RAPGEF3: variants seen among roughly 807,000 people sequenced by gnomAD.
The protein encoded by RAPGEF3 is Rap guanine nucleotide exchange factor 3.
RAPGEF3 carries 103 observed loss-of-function variants against 129.8 expected under a neutral mutation model. The ratio of observed to expected loss-of-function variants is 0.79; its 90% confidence interval spans 0.68 to 0.93. RAPGEF3 has a LOEUF of 0.93. Among genes scored for constraint, RAPGEF3 ranks in the 40% least tolerant of loss-of-function variants. The pLI, the probability that RAPGEF3 is intolerant of heterozygous loss-of-function variation, is 0.00. For missense variants in RAPGEF3, 1,117 were observed against 1,207.4 expected, an observed-to-expected ratio of 0.93 and a Z score of 1.11; for synonymous variants, 436 against 482.6, an observed-to-expected ratio of 0.90 and a Z score of 1.26.
rs1482877141 is a variant in RAPGEF3 at position 47,740,122 on chromosome 12, G to T, written c.2373+19C>A. ...AGCTGATCCTAGCAGAGCCAGGCCG[G>T]GCAGGGTGGAGCACTCACCAGCAGC... On this transcript the variant is annotated intron_variant, in intron 23 of 27. Transcript: ENST00000449771. 4 of 1,610,396 alleles carry T rather than the reference G, an allele frequency of 2.5e-6. No individual in the cohort carries two copies. In the South Asian group the frequency reaches 4.4e-5, roughly 18 times the overall value.
intron 2 of RAPGEF3, among the ~76,000 whole-genome samples, chr12:47,755,209 T>G (rs1211780864): frequency 6.6e-6 from 1 of 152,210 alleles, no homozygotes; most frequent in Non-Finnish European, 1.5e-5. Context: ...ACTTAGCAGC[T>G]GCGTAACTCT....
chr12:47,753,868 C>T (rs933670131), intron 2 of RAPGEF3: 1 of 152,244 alleles, frequency 6.6e-6, no homozygotes, highest in Non-Finnish European at 1.5e-5. Context: ...TGCTGGGTCA[C>T]GTGGCCAGGT....
chr12:47,741,052 A>G lies in RAPGEF3; in HGVS notation c.1924-12T>C. ...TCAGGGTGTGGGATCTGCGGGTGGG[A>G]GAGTGCTCAGGGGGCTGCCTGAGGA... On this transcript the variant is annotated splice_polypyrimidine_tract_variant and intron_variant, in intron 19 of 27. Coordinates refer to ENST00000449771, the MANE Select transcript of RAPGEF3 (RefSeq NM_001098531.4). 1 of 1,611,614 alleles carries G rather than the reference A, an allele frequency of 6.2e-7. No individual in the cohort carries two copies. The highest frequency in any genetic ancestry group is 1.1e-5 in the South Asian group (1 of 90,718).
intron 18 of RAPGEF3, 38 bp from the exon 19 acceptor site, chr12:47,741,640 G>T: frequency 2.7e-6 from 4 of 1,484,926 alleles, no homozygotes; most frequent in Non-Finnish European, 3.8e-6. Context: ...TGGGGGAAGG[G>T]AGGGAGGCCG....
chr12:47,746,847 G>A lies in RAPGEF3; in HGVS notation c.1596+13C>T. 1 of 1,588,814 alleles carries A rather than the reference G, an allele frequency of 6.3e-7. No homozygotes were observed. Among genetic ancestry groups the A allele is most frequent in the East Asian group, 2.2e-5 (1 of 44,458 alleles). On this transcript the variant is annotated intron_variant, in intron 16 of 27. Coordinates refer to ENST00000449771, the MANE Select transcript of RAPGEF3 (RefSeq NM_001098531.4). ...GGAGGAGCAGAGGAAAGAAACTGGGGCCAGGCAGACACCTTCATCTGAGGA... is the reference window on the plus strand; with the variant it reads ...GGAGGAGCAGAGGAAAGAAACTGGGACCAGGCAGACACCTTCATCTGAGGA...
intron 2 of RAPGEF3, among the ~76,000 whole-genome samples, chr12:47,755,489 T>G (rs532738685): frequency 2.4e-4 from 36 of 152,348 alleles, no homozygotes; most frequent in African/African-American, 8.7e-4. Flanking sequence ...CAGACTTCCC[T>G]GAGCTAGTAG....
At chr12:47,756,721 A>C (rs1942076081) in intron 2 of RAPGEF3, among the ~76,000 whole-genome samples, 1 of 152,166 alleles carries the variant, frequency 6.6e-6, no homozygotes, top group South Asian at 2.1e-4. Context: ...TTGTAATCCC[A>C]GTGCTTTGGG....
chr12:47,749,609 C>G lies in RAPGEF3; in HGVS notation c.895-73G>C. On this transcript the variant is annotated intron_variant, in intron 9 of 27. Transcript: ENST00000449771. The surrounding 1 kb of genome is among the most constrained non-coding windows in gnomAD (Gnocchi z 4.5). ...CCCAGCTCTTGCCAGGACAGACCCA[C>G]GGCAGGAGAACAACCCACACAGGAG... The G allele has an allele frequency of 6.4e-7, 1 of 1,558,476 alleles. No individual in the cohort carries two copies. Among genetic ancestry groups the G allele is most frequent in the South Asian group, 1.2e-5 (1 of 86,264 alleles).
Position 47,748,887 on chromosome 12 carries a change from C to T in RAPGEF3, c.1086G>A (p.Val362=). ...GAGAGGCTCTCTCCAGCACCAGCAC[C>T]ACTTTGCCATGTTCTTCCAGCCGCA... ...KTMRLEEHGK[V]VLVLERASQG... Residue 362 remains valine, a synonymous_variant, in exon 11 of 28, where the codon GTG becomes GTA. Transcript: ENST00000449771. The T allele has an allele frequency of 6.2e-7, 1 of 1,614,084 alleles. No homozygotes were observed. Among genetic ancestry groups the T allele is most frequent in the Non-Finnish European group, 8.5e-7 (1 of 1,179,978 alleles).
rs1045397422 is a variant in RAPGEF3 at position 47,749,389 on chromosome 12, C to T, written c.1041+1G>A. ...GCCCTCCCCAACCCCAGCAGCAGCA[C>T]CTTGATGATACGGTTGAAGTCCTGC... On this transcript the variant is annotated splice_donor_variant, in intron 10 of 27. Transcript: ENST00000449771. LOFTEE classifies it high-confidence loss of function. The surrounding 1 kb of genome is among the most constrained non-coding windows in gnomAD (Gnocchi z 4.5). The T allele has an allele frequency of 4.5e-5, 73 of 1,611,916 alleles. No homozygotes were observed. The highest frequency in any genetic ancestry group is 5.9e-5 in the Non-Finnish European group (70 of 1,180,006).
chr12:47,741,801 G>T, intron 18 of RAPGEF3, 199 bp from the exon 19 acceptor site: 1 of 592,040 alleles, frequency 1.7e-6, no homozygotes, highest in East Asian at 2.8e-5. Flanking sequence ...CATCCAAGAG[G>T]ATGAGGAAAG....
rs777820634 is a variant in RAPGEF3 at position 47,751,185 on chromosome 12, A to T, written c.534T>A (p.Asp178Glu). The change falls in exon 6 of 28, where the codon GAT (aspartate) becomes GAA (glutamate). Residue 178 changes from aspartate (D) to glutamate (E), a missense_variant. Asp to Glu is a conservative substitution (Grantham distance 45). Transcript: ENST00000449771. ...GCCCGGGGAACCGGTAGAATTGGGC[A>T]TCTCGGTCCTGGAAGGCCCAGTCGT... Reference protein sequence around the residue: ...VKHDWAFQDRDAQFYRFPGPE... With the variant: ...VKHDWAFQDREAQFYRFPGPE... 1.9e-6 allele frequency: 3 copies of T among 1,553,248 alleles called. No homozygotes were observed. The highest frequency in any genetic ancestry group is 2.6e-6 in the Non-Finnish European group (3 of 1,148,176).
chr12:47,758,025 G>T lies in RAPGEF3; in HGVS notation c.60C>A (p.Ser20Arg), dbSNP rs528361073. ...CCACCCGCGGTGCTCCCAGAGCTGG[G>T]CTATCCTCCACAGCCAGGCCCACCT... ...CWQVGLAVED[S>R]PALGAPRVGA... The change falls in exon 2 of 28, where the codon AGC becomes AGA. Residue 20 changes from serine (S) to arginine (R), a missense_variant. By Grantham distance (110) the Ser-to-Arg change is moderately radical. Coordinates refer to ENST00000449771, the MANE Select transcript of RAPGEF3 (RefSeq NM_001098531.4). 1.3e-6 allele frequency: 2 copies of T among 1,576,640 alleles called. No homozygotes were observed. Among genetic ancestry groups the T allele is most frequent in the Non-Finnish European group, 1.7e-6 (2 of 1,161,184 alleles).
Position 47,749,400 on chromosome 12 carries a change from C to T in RAPGEF3, c.1031G>A (p.Arg344His), listed in dbSNP as rs757761329. Residue 344 changes from arginine to histidine, a missense_variant, in exon 10 of 28, where the codon CGT becomes CAT. Physicochemically the swap from Arg to His is conservative, Grantham distance 29 (BLOSUM62 0). Transcript: ENST00000449771. This position sits in a 1 kb window ranked among gnomAD's most constrained non-coding sequence, Gnocchi z 4.5. ...FLRVDKQDFN[R>H]IIKDVEAKTM... ...CCCCAGCAGCAGCACCTTGATGATA[C>T]GGTTGAAGTCCTGCTTGTCCACACG... 6.8e-6 allele frequency: 11 copies of T among 1,612,454 alleles called. No homozygotes were observed. Among genetic ancestry groups the T allele is most frequent in the South Asian group, 2.2e-5 (2 of 91,080 alleles).
At chr12:47,747,406 G>A (rs1187033886) in intron 15 of RAPGEF3, 138 bp downstream of exon 15, 1 of 778,596 alleles carries the variant, frequency 1.3e-6, no homozygotes. Context: ...ACAGCAAGGG[G>A]ACTGATAAGA....
chr12:47,741,047 G>C lies in RAPGEF3; in HGVS notation c.1924-7C>G. 1 of 1,612,002 alleles carries C rather than the reference G, an allele frequency of 6.2e-7. No individual in the cohort carries two copies. The highest frequency in any genetic ancestry group is 1.1e-5 in the South Asian group (1 of 90,742). On this transcript the variant is annotated splice_polypyrimidine_tract_variant and splice_region_variant and intron_variant, in intron 19 of 27. Transcript: ENST00000449771. The stretch of plus-strand genomic sequence containing the variant: ...GCTGGTCAGGGTGTGGGATCTGCGG[G>C]TGGGAGAGTGCTCAGGGGGCTGCCT...
chr12:47,749,904 G>T lies in RAPGEF3; in HGVS notation c.817+26C>A, dbSNP rs1941645591. The stretch of plus-strand genomic sequence containing the variant: ...CTGCCCATGTCCAGGCCCTGTGCCT[G>T]GCTTCTTATGCCCTGCTGGACTTAC... On this transcript the variant is annotated intron_variant, in intron 8 of 27. Transcript: ENST00000449771. This position sits in a 1 kb window ranked among gnomAD's most constrained non-coding sequence, Gnocchi z 4.5. 3 of 1,614,066 alleles carry T rather than the reference G, an allele frequency of 1.9e-6. No homozygotes were observed. Among genetic ancestry groups the T allele is most frequent in the Non-Finnish European group, 8.5e-7 (1 of 1,180,012 alleles).
chr12:47,751,220 G>C lies in RAPGEF3; in HGVS notation c.503-4C>G, dbSNP rs1941722878. The C allele has an allele frequency of 1.3e-6, 2 of 1,549,102 alleles. No individual in the cohort carries two copies. The highest frequency in any genetic ancestry group is 1.7e-4 in the Middle Eastern group (1 of 5,982). ...TGGAAGGCCCAGTCGTGTTTCACTG[G>C]GGGGCAGAGGCCCAGGCGTGGGGGA... On this transcript the variant is annotated splice_polypyrimidine_tract_variant and splice_region_variant and intron_variant, in intron 5 of 27. Coordinates refer to ENST00000449771, the MANE Select transcript of RAPGEF3 (RefSeq NM_001098531.4).
chr12:47,751,057 A>G lies in RAPGEF3; in HGVS notation c.662T>C (p.Leu221Pro). Residue 221 changes from leucine (L) to proline (P), a missense_variant, in exon 6 of 28, where the codon CTT (leucine) becomes CCT (proline). Around this residue, in one of 3 missense-constraint regions of RAPGEF3, gnomAD observed 367 missense variants for 373.4 expected, o/e 0.98. Transcript: ENST00000449771. ...AGGGATTCTGACTCACGGCTTTCGA[A>G]GTGCCACAGTGAGCAGGGCGTCAGG... is the stretch of plus-strand genomic sequence containing the variant. ...RGPDALLTVA[L>P]RKPPGQRTDE... is the part of the protein sequence containing the mutation. 1 of 1,597,458 alleles carries G rather than the reference A, an allele frequency of 6.3e-7. No homozygotes were observed. The highest frequency in any genetic ancestry group is 1.1e-5 in the South Asian group (1 of 87,606).
Sources: allele counts gnomAD v4.1 joint callset (sites outside exome capture counted in the v4.1 genomes callset), GRCh38; gene constraint gnomAD v4.1.1; regional missense constraint gnomAD v4.1.1; non-coding constraint Gnocchi (gnomAD v3.1); transcripts MANE v1.5; gene names NCBI Gene and HGNC (gene_info 2026-07-23, HGNC 2026-07-21).